Variants in TRAPPC9 observed in about 807,000 individuals in gnomAD.
The protein encoded by TRAPPC9 is IKK2 binding protein.
Under a neutral mutation model 124.0 loss-of-function variants are expected in TRAPPC9, and 83 were observed. That is an observed-to-expected ratio of 0.67 (90% CI 0.56 to 0.80). TRAPPC9 has a LOEUF of 0.80. TRAPPC9 is among the 30% of genes least tolerant of loss of function. The probability of loss-of-function intolerance (pLI) is 0.00; values close to 1 mark genes in which losing one functional copy is unlikely to be tolerated. For missense variants in TRAPPC9, 1,302 were observed against 1,508.3 expected (o/e 0.86, Z 2.27); for synonymous variants, 638 against 617.5 (o/e 1.03, Z -0.49).
intron 17 of TRAPPC9, among the ~76,000 whole-genome samples, chr8:140,184,523 C>T (rs969637174): frequency 6.6e-6 from 1 of 152,168 alleles, no homozygotes; most frequent in African/African-American, 2.4e-5. Flanking sequence ...GCAACCTCCA[C>T]CTCCCGGGTT....
intron 21 of TRAPPC9, among the ~76,000 whole-genome samples, chr8:139,750,553 T>G (rs1055029251): frequency 1.3e-5 from 2 of 152,180 alleles, no homozygotes; most frequent in Non-Finnish European, 1.5e-5. Flanking sequence ...GGGCACAGGC[T>G]GAGGGGCTCT....
intron 9 of TRAPPC9, among the ~76,000 whole-genome samples, chr8:140,356,126 C>G (rs999929672): frequency 6.6e-6 from 1 of 152,168 alleles, no homozygotes. Flanking sequence ...GGGAGATAGG[C>G]AGGCACACAC....
intron 17 of TRAPPC9, among the ~76,000 whole-genome samples, chr8:140,167,399 G>A (rs11166958): frequency 0.16 from 24,901 of 152,084 alleles, 2,538 homozygotes; most frequent in Admixed American, 0.24. Context: ...CACACCACAC[G>A]CCAAAAGCAC....
At chr8:140,332,727 C>A (rs1588164272) in intron 9 of TRAPPC9, among the ~76,000 whole-genome samples, 1 of 152,014 alleles carries the variant, frequency 6.6e-6, no homozygotes, top group Non-Finnish European at 1.5e-5. Flanking sequence ...CAGCATAATG[C>A]AAATTTATGC....
At chr8:139,959,027 C>T (rs1212559739) in intron 19 of TRAPPC9, among the ~76,000 whole-genome samples, 13 of 151,146 alleles carry the variant, frequency 8.6e-5, no homozygotes, top group East Asian at 7.8e-4. Flanking sequence ...GCCTGCATTC[C>T]GAGTCACACG....
chr8:139,952,379 T>C (rs1265765643), intron 19 of TRAPPC9, among the ~76,000 whole-genome samples: 1 of 152,168 alleles, frequency 6.6e-6, no homozygotes, highest in Non-Finnish European at 1.5e-5. Flanking sequence ...GTTAAACAAG[T>C]GAGGAAAGCA....
At chr8:140,001,371 T>C (rs1838389728) in intron 18 of TRAPPC9, among the ~76,000 whole-genome samples, 1 of 145,302 alleles carries the variant, frequency 6.9e-6, no homozygotes, top group Non-Finnish European at 1.5e-5. Flanking sequence ...ACATGTACTC[T>C]AGAACTTAAA....
intron 11 of TRAPPC9, among the ~76,000 whole-genome samples, chr8:140,297,542 T>G (rs1188691231): frequency 6.6e-6 from 1 of 152,240 alleles, no homozygotes; most frequent in Non-Finnish European, 1.5e-5. Context: ...TTCAAGGGCA[T>G]GACCCCATGT....
chr8:140,252,606 C>A lies in TRAPPC9; in HGVS notation c.2431+171G>T, dbSNP rs966643886. 4.5e-6 allele frequency: 3 copies of A among 665,810 alleles called. No individual in the cohort carries two copies. Among genetic ancestry groups the A allele is most frequent in the Admixed American group, 5.3e-5 (2 of 37,760 alleles). 41.2% of individuals were successfully genotyped at this position (665,810 alleles called of 1,614,324 possible). A position where few individuals can be genotyped will look rare whatever the true frequency, so the allele number is the denominator to read the frequency against. On this transcript the variant is annotated intron_variant, in intron 16 of 22. Coordinates refer to ENST00000438773, the MANE Select transcript of TRAPPC9 (RefSeq NM_001160372.4). The surrounding 1 kb of genome is among the most constrained non-coding windows in gnomAD (Gnocchi z 4.2). ...AAAAAGTACTTTTATTACTTTCAGA[C>A]ACATACAGTAACACACTCTGTTAAC...
intron 16 of TRAPPC9, among the ~76,000 whole-genome samples, chr8:140,231,379 G>A (rs554132283): frequency 6.7e-6 from 1 of 150,102 alleles, no homozygotes; most frequent in South Asian, 2.1e-4. Context: ...GAATGAATAA[G>A]TAAATGACCA....
chr8:140,177,791 G>T (rs1317831310), intron 17 of TRAPPC9, among the ~76,000 whole-genome samples: 1 of 151,880 alleles, frequency 6.6e-6, no homozygotes, highest in Non-Finnish European at 1.5e-5. Flanking sequence ...TTTTATAATT[G>T]TCTTGGGAAT....
Position 139,755,175 on chromosome 8 carries a change from C to T in TRAPPC9, c.3056-22973G>A, listed in dbSNP as rs568843110. 4.5e-3 allele frequency among the ~76,000 whole-genome samples: 691 copies of T among 152,372 alleles called. 4 individuals are homozygous for T. Among genetic ancestry groups the T allele is most frequent in the African/African-American group, 0.016 (653 of 41,586 alleles). ...CTCAGTGCTGGTGTGGCACCTGGCA[C>T]CCTCCAGGTCCTCGGATAACTTGTG... On this transcript the variant is annotated intron_variant, in intron 21 of 22. Coordinates refer to ENST00000438773, the MANE Select transcript of TRAPPC9 (RefSeq NM_001160372.4).
intron 17 of TRAPPC9, among the ~76,000 whole-genome samples, chr8:140,094,618 G>A (rs1237928363): frequency 1.3e-5 from 2 of 152,222 alleles, no homozygotes; most frequent in African/African-American, 4.8e-5. Context: ...CAGAGTAGAG[G>A]GGAGGGAAGG....
At position 140,311,313 on chromosome 8, in the gene TRAPPC9, C is replaced by T. The variant is rs1320681006; in HGVS notation, c.1557G>A (p.Glu519=). 4 of 1,613,816 alleles carry T rather than the reference C, an allele frequency of 2.5e-6. No individual in the cohort carries two copies. The highest frequency in any genetic ancestry group is 3.4e-6 in the Non-Finnish European group (4 of 1,180,030). Residue 519 remains glutamate, a synonymous_variant, in exon 10 of 23, where the codon GAG becomes GAA. Coordinates refer to ENST00000438773, the MANE Select transcript of TRAPPC9 (RefSeq NM_001160372.4). The part of the protein sequence containing the change: ...NYTSKCPGTM[E]PIALPGGLTL... Reference sequence around the variant, plus strand: ...TGAGGCCGCCAGGGAGGGCGATGGGCTCCATGGTCCCAGGACACTTGGACG... The same window carrying T: ...TGAGGCCGCCAGGGAGGGCGATGGGTTCCATGGTCCCAGGACACTTGGACG...
chr8:139,751,905 C>A (rs1481366295), intron 21 of TRAPPC9, among the ~76,000 whole-genome samples: 2 of 151,658 alleles, frequency 1.3e-5, no homozygotes, highest in Non-Finnish European at 2.9e-5. Context: ...CATCAATCCA[C>A]CATCCATCCA....
chr8:140,311,362 A>G lies in TRAPPC9; in HGVS notation c.1508T>C (p.Val503Ala). The change falls in exon 10 of 23, where the codon GTG becomes GCG. Residue 503 changes from valine (V) to alanine (A), a missense_variant. Coordinates refer to ENST00000438773, the MANE Select transcript of TRAPPC9 (RefSeq NM_001160372.4). ...DFLSDQEKKD[V>A]AQSLENYTSK... The stretch of plus-strand genomic sequence containing the variant: ...CGTATAGTTCTCTAGGCTTTGGGCC[A>G]CATCTTTCTTTTCTGAAGAGAAGAT... The G allele has an allele frequency of 6.2e-7, 1 of 1,613,906 alleles. No homozygotes were observed. The highest frequency in any genetic ancestry group is 8.5e-7 in the Non-Finnish European group (1 of 1,180,002).
chr8:140,310,008 C>T (rs967261976), intron 10 of TRAPPC9, among the ~76,000 whole-genome samples: 6 of 152,190 alleles, frequency 3.9e-5, no homozygotes, highest in African/African-American at 1.4e-4. Flanking sequence ...CAATGCACAG[C>T]GACCCTTTCT....
At chr8:139,749,115 C>G (rs779518729) in intron 21 of TRAPPC9, among the ~76,000 whole-genome samples, 1 of 152,272 alleles carries the variant, frequency 6.6e-6, no homozygotes, top group African/African-American at 2.4e-5. Context: ...GTCTCTCACC[C>G]CAGTGCCCTG....
intron 17 of TRAPPC9, among the ~76,000 whole-genome samples, chr8:140,142,758 G>A (rs144293642): frequency 1.6e-4 from 25 of 152,304 alleles, no homozygotes; most frequent in Non-Finnish European, 2.8e-4. Context: ...GCTTAGCCAC[G>A]TTATTAGTTT....
Sources: gnomAD v4.1 joint callset for allele counts (sites outside exome capture counted in the v4.1 genomes callset) on GRCh38, gnomAD v4.1.1 for gene constraint, Gnocchi (gnomAD v3.1) non-coding constraint, MANE v1.5 for transcripts, NCBI Gene and HGNC (gene_info 2026-07-23, HGNC 2026-07-21) for gene names.